The following VASH2 variants were observed in gnomAD, a reference collection of about 807,000 sequenced individuals.
VASH2 encodes the protein vasohibin 2.
Under a neutral mutation model 37.2 loss-of-function variants are expected in VASH2, and 28 were observed. The observed-to-expected ratio is 0.75, with a 90% CI of 0.56 to 1.03. VASH2 has a LOEUF of 1.03. VASH2 is among the 50% of genes least tolerant of loss of function. The pLI is 0.00. For synonymous variants in VASH2, 188 were observed against 174.7 expected (o/e 1.08, Z -0.60); for missense variants, 419 against 459.1 (o/e 0.91, Z 0.80).
At chr1:212,973,903 G>A in intron 6 of VASH2, 52 bp from the exon 7 acceptor site, 2 of 1,585,862 alleles carry the variant, frequency 1.3e-6, no homozygotes, top group Non-Finnish European at 1.7e-6. Context: ...GAAGACCTGA[G>A]GGTGGAGGTC....
intron 2 of VASH2, among the ~76,000 whole-genome samples, chr1:212,955,143 G>A (rs189877614): frequency 1.4e-3 from 216 of 152,298 alleles, no homozygotes; most frequent in Admixed American, 2.9e-3. Flanking sequence ...GTAGGGTGGC[G>A]GCGGTGGTAA....
Position 212,951,605 on chromosome 1 carries a change from G to C in VASH2, c.63G>C (p.Arg21=). The change falls in exon 2 of 8, where the codon CGG becomes CGC. Residue 21 remains arginine (R), a synonymous_variant. Coordinates refer to ENST00000517399, the MANE Select transcript of VASH2 (RefSeq NM_001301056.2). This position sits in a 1 kb window ranked among gnomAD's most constrained non-coding sequence, Gnocchi z 4.4. ...ACCCCAAAGGCGCCAAAGGCACCCG[G>C]TCCCGGAGCAGCCACGCGCGGCCCG... ...CPHPKGAKGT[R]SRSSHARPVS... is the part of the protein sequence containing the mutation. The C allele has an allele frequency of 6.4e-7, 1 of 1,555,498 alleles. No individual in the cohort carries two copies. The highest frequency in any genetic ancestry group is 8.7e-7 in the Non-Finnish European group (1 of 1,149,934).
Position 212,980,524 on chromosome 1 carries a change from C to G in VASH2, c.995+6454C>G, listed in dbSNP as rs928147191. The stretch of plus-strand genomic sequence containing the variant: ...GGGCTCTGTCTGCCCTGCTGGACAC[C>G]CTGGGGGTCCCAGAGGTTAGTAAGC... On this transcript the variant is annotated intron_variant, in intron 7 of 7. Transcript: ENST00000517399. Among the ~76,000 whole-genome samples, 10 of 152,150 alleles carry G rather than the reference C, an allele frequency of 6.6e-5. 1 individual carries two copies. Among genetic ancestry groups the G allele is most frequent in the African/African-American group, 1.7e-4 (7 of 41,416 alleles).
intron 7 of VASH2, among the ~76,000 whole-genome samples, chr1:212,980,520 A>T (rs1667311558): frequency 6.6e-6 from 1 of 151,986 alleles, no homozygotes. Context: ...GCCCTGCTGG[A>T]CACCCTGGGG....
intron 4 of VASH2, 112 bp from the exon 5 acceptor site, chr1:212,966,159 C>T (rs543735688): frequency 1.6e-5 from 14 of 901,560 alleles, no homozygotes; most frequent in Middle Eastern, 2.2e-4. Context: ...CTTTTCCCTC[C>T]GTGCTCCTGT....
chr1:212,953,759 G>A (rs17020046), intron 2 of VASH2, among the ~76,000 whole-genome samples: 19,644 of 152,064 alleles, frequency 0.13, 1,884 homozygotes, highest in African/African-American at 0.27. Context: ...GTTATGACCC[G>A]TGAGTCTCCA....
intron 2 of VASH2, among the ~76,000 whole-genome samples, chr1:212,954,053 G>A (rs1666408009): frequency 6.6e-6 from 1 of 151,928 alleles, no homozygotes; most frequent in Non-Finnish European, 1.5e-5. Context: ...TGGGACTACA[G>A]ACACGTACCA....
At chr1:212,966,652 G>A (rs1666858740) in intron 5 of VASH2, among the ~76,000 whole-genome samples, 1 of 152,214 alleles carries the variant, frequency 6.6e-6, no homozygotes. Context: ...AGGGACTAGA[G>A]AGAGTGTGTA....
intron 3 of VASH2, among the ~76,000 whole-genome samples, chr1:212,963,012 G>A (rs1478541456): frequency 1.3e-5 from 2 of 151,682 alleles, no homozygotes; most frequent in Non-Finnish European, 2.9e-5. Flanking sequence ...ACTGATTATA[G>A]GCTTTAAGGT....
At chr1:212,968,591 C>G (rs1185495879) in intron 5 of VASH2, 1 of 985,368 alleles carries the variant, frequency 1.0e-6, no homozygotes, top group Non-Finnish European at 1.2e-6. Flanking sequence ...AGGCCCCTCC[C>G]CAACCCTCTT....
At chr1:212,968,841 G>C (rs1666923806) in intron 5 of VASH2, 1 of 985,336 alleles carries the variant, frequency 1.0e-6, no homozygotes, top group Non-Finnish European at 1.2e-6. Flanking sequence ...CCCTTCATGG[G>C]GTAGACAAGC....
chr1:212,983,413 G>C (rs976655913), intron 7 of VASH2, among the ~76,000 whole-genome samples: 3 of 152,186 alleles, frequency 2.0e-5, no homozygotes, highest in Non-Finnish European at 2.9e-5. Context: ...GAGGGAGAGA[G>C]GAAAGAAAGA....
At chr1:212,985,482 C>A (rs1165594472) in intron 7 of VASH2, among the ~76,000 whole-genome samples, 1 of 150,404 alleles carries the variant, frequency 6.6e-6, no homozygotes, top group Non-Finnish European at 1.5e-5. Flanking sequence ...TGCAGTGGCA[C>A]GATCTTGGCT....
intron 3 of VASH2, 130 bp downstream of exon 3, chr1:212,961,384 G>T: frequency 6.5e-7 from 1 of 1,539,986 alleles, no homozygotes; most frequent in East Asian, 2.3e-5. Flanking sequence ...GGCATGGAGG[G>T]ATGTCCCGGG....
chr1:212,978,701 G>A (rs950372987), intron 7 of VASH2, among the ~76,000 whole-genome samples: 1 of 152,082 alleles, frequency 6.6e-6, no homozygotes, highest in African/African-American at 2.4e-5. Flanking sequence ...AGTCTTTGCG[G>A]TTTTTTTTCC....
At chr1:212,958,715 TTA>T (rs1163143830) in intron 2 of VASH2, among the ~76,000 whole-genome samples, 2 of 152,176 alleles carry the variant, frequency 1.3e-5, no homozygotes, top group Admixed American at 6.5e-5. Context: ...GCAGAAATGT[TTA>T]TGTCTTTTTT....
At chr1:212,980,890 C>T (rs1667319545) in intron 7 of VASH2, among the ~76,000 whole-genome samples, 1 of 152,204 alleles carries the variant, frequency 6.6e-6, no homozygotes, top group Non-Finnish European at 1.5e-5. Context: ...GCAGTTTCTA[C>T]TCCAGTGACT....
intron 5 of VASH2, chr1:212,967,239 T>C: frequency 1.5e-6 from 2 of 1,298,086 alleles, no homozygotes; most frequent in Non-Finnish European, 2.0e-6. Flanking sequence ...GACATATTGG[T>C]GGTGATGACC....
At chr1:212,953,233 G>GGC (rs1553271284) in intron 2 of VASH2, among the ~76,000 whole-genome samples, 17 of 126,782 alleles carry the variant, frequency 1.3e-4, no homozygotes, top group African/African-American at 4.4e-4. Context: ...GGGTGCGCGG[G>GGC]GGGGGGTGCA....
Sources: gnomAD v4.1 joint callset for allele counts (sites outside exome capture counted in the v4.1 genomes callset) on GRCh38, gnomAD v4.1.1 for gene constraint, Gnocchi (gnomAD v3.1) non-coding constraint, MANE v1.5 for transcripts, NCBI Gene and HGNC (gene_info 2026-07-23, HGNC 2026-07-21) for gene names.